The following GPHN variants were observed in gnomAD, a reference collection of about 807,000 sequenced individuals.
GPHN encodes gephyrin.
In GPHN, 17 loss-of-function variants were observed where a neutral mutation model predicts 95.5. That is an observed-to-expected ratio of 0.18 (90% CI 0.12 to 0.27). The LOEUF is 0.27. Ranked by LOEUF, GPHN falls within the 10% of genes least tolerant of loss-of-function variation. The pLI is 1.00. For synonymous variants in GPHN, 320 were observed against 322.5 expected, an observed-to-expected ratio of 0.99 and a Z score of 0.08; for missense variants, 660 against 978.1, an observed-to-expected ratio of 0.67 and a Z score of 4.34.
At chr14:67,625,808 A>G in the GPHN span, among the ~76,000 whole-genome samples, 3 of 151,902 alleles carry the variant, frequency 2.0e-5, no homozygotes, top group African/African-American at 4.8e-5. Flanking sequence ...CATATACCTG[A>G]TAAGATTCTA....
At chr14:67,727,057 G>C in the GPHN span, 1 of 1,614,018 alleles carries the variant, frequency 6.2e-7, no homozygotes, top group Non-Finnish European at 8.5e-7. Flanking sequence ...ATGTGTCCTC[G>C]GTGGCTCACC....
chr14:66,523,884 TA>T (rs1329666619), intron 1 of GPHN, among the ~76,000 whole-genome samples: 1 of 152,150 alleles, frequency 6.6e-6, no homozygotes, highest in Non-Finnish European at 1.5e-5. Context: ...TATTTTATCT[TA>T]TTTTAGCAAC....
chr14:66,609,074 T>C (rs1305872822), intron 1 of GPHN, among the ~76,000 whole-genome samples: 1 of 152,174 alleles, frequency 6.6e-6, no homozygotes, highest in Non-Finnish European at 1.5e-5. Flanking sequence ...TGCTTTATAG[T>C]GTCTATGGGC....
the GPHN span, among the ~76,000 whole-genome samples, chr14:67,210,968 C>T: frequency 1.3e-4 from 20 of 152,160 alleles, 1 homozygote; most frequent in East Asian, 3.7e-3. Flanking sequence ...CCACTGCACT[C>T]CAGCCTGGGT....
chr14:67,499,513 G>A, the GPHN span, among the ~76,000 whole-genome samples: 12 of 152,204 alleles, frequency 7.9e-5, no homozygotes, highest in African/African-American at 2.9e-4. Context: ...ATGTTTCAAT[G>A]TCTGGAGGCA....
At chr14:67,241,256 A>T in the GPHN span, 3 of 152,198 alleles carry the variant, frequency 2.0e-5, no homozygotes, top group African/African-American at 7.2e-5. Flanking sequence ...CCGCGCGCCC[A>T]CTGCGCCAGA....
At chr14:67,035,770 C>T (rs550254106) in intron 10 of GPHN, among the ~76,000 whole-genome samples, 81 of 151,710 alleles carry the variant, frequency 5.3e-4, no homozygotes, top group African/African-American at 1.8e-3. Flanking sequence ...TAAAGAAAAC[C>T]TCCCAATAAA....
the GPHN span, among the ~76,000 whole-genome samples, chr14:67,434,835 A>G: frequency 6.6e-6 from 1 of 152,148 alleles, no homozygotes; most frequent in Non-Finnish European, 1.5e-5. Flanking sequence ...TCCAAGGTCC[A>G]GGGGGTGCAT....
chr14:67,338,729 T>C, the GPHN span: 5 of 1,613,460 alleles, frequency 3.1e-6, no homozygotes, highest in African/African-American at 2.7e-5. Flanking sequence ...ATTTTTCCTT[T>C]AGAATCTTTT....
chr14:67,576,505 T>G, the GPHN span: 1 of 1,505,796 alleles, frequency 6.6e-7, no homozygotes, highest in East Asian at 2.3e-5. The surrounding 1 kb of genome is among the most constrained non-coding windows in gnomAD (Gnocchi z 4.0). Context: ...GAGATCCAGG[T>G]AAGGCAAGGG....
At chr14:66,900,075 TTTCTC>T (rs1330404993) in intron 5 of GPHN, among the ~76,000 whole-genome samples, 3 of 152,026 alleles carry the variant, frequency 2.0e-5, no homozygotes, top group Non-Finnish European at 4.4e-5. Flanking sequence ...TTATTGTTAT[TTTCTC>T]GTCTTGAGAG....
intron 2 of GPHN, among the ~76,000 whole-genome samples, chr14:66,761,343 A>G (rs1033832467): frequency 2.6e-5 from 4 of 152,240 alleles, no homozygotes; most frequent in African/African-American, 9.6e-5. Flanking sequence ...ACAAAAATTC[A>G]TGGCTAGTGA....
At chr14:66,976,641 A>G (rs900424000) in intron 9 of GPHN, among the ~76,000 whole-genome samples, 12 of 152,198 alleles carry the variant, frequency 7.9e-5, no homozygotes, top group Non-Finnish European at 1.2e-4. Flanking sequence ...TCAGAAATTC[A>G]TTGAATATTT....
chr14:67,734,257 CTCTT>C, the GPHN span: 1 of 198,540 alleles, frequency 5.0e-6, no homozygotes, highest in South Asian at 1.0e-4. Flanking sequence ...CTTGGTTGAT[CTCTT>C]TCTTTTTAAA....
chr14:66,993,589 A>G (rs2071577773), intron 9 of GPHN, among the ~76,000 whole-genome samples: 1 of 152,196 alleles, frequency 6.6e-6, no homozygotes, highest in African/African-American at 2.4e-5. Flanking sequence ...ACAACTGGAA[A>G]AGATACACTG....
At chr14:66,874,708 A>G (rs1198371669) in intron 4 of GPHN, among the ~76,000 whole-genome samples, 5 of 152,078 alleles carry the variant, frequency 3.3e-5, no homozygotes, top group African/African-American at 9.7e-5. Flanking sequence ...AGATTAAAGA[A>G]AAAAGAATGA....
At chr14:66,870,462 A>T (rs992871826) in intron 4 of GPHN, among the ~76,000 whole-genome samples, 1 of 152,126 alleles carries the variant, frequency 6.6e-6, no homozygotes, top group Non-Finnish European at 1.5e-5. Flanking sequence ...GCCCTGCAGA[A>T]CCCCTAACTA....
intron 11 of GPHN, among the ~76,000 whole-genome samples, chr14:67,065,711 G>A (rs1286686113): frequency 6.8e-6 from 1 of 147,050 alleles, no homozygotes; most frequent in East Asian, 2.0e-4. Context: ...TTTGATCTTT[G>A]TTGGTTTAAA....
At chr14:66,552,504 C>A (rs1364712578) in intron 1 of GPHN, among the ~76,000 whole-genome samples, 2 of 152,000 alleles carry the variant, frequency 1.3e-5, no homozygotes, top group Non-Finnish European at 1.5e-5. Context: ...ATTTATTTAC[C>A]ATTTCTGAAG....
Sources: gnomAD v4.1 joint callset for allele counts (sites outside exome capture counted in the v4.1 genomes callset) on GRCh38, gnomAD v4.1.1 for gene constraint, Gnocchi (gnomAD v3.1) non-coding constraint, MANE v1.5 for transcripts, NCBI Gene and HGNC (gene_info 2026-07-23, HGNC 2026-07-21) for gene names.